Variants in HIBADH observed in about 807,000 individuals in gnomAD.
HIBADH encodes 3-hydroxyisobutyrate dehydrogenase, mitochondrial.
A neutral mutation model predicts 36.1 loss-of-function variants in HIBADH; 25 were observed. The observed-to-expected ratio is 0.69, with a 90% CI of 0.50 to 0.97. The LOEUF (loss-of-function observed/expected upper bound fraction) is 0.97, where lower values mean the gene tolerates loss of function less well. HIBADH is among the 50% of genes least tolerant of loss of function. The pLI is 0.00. For synonymous variants in HIBADH, 160 were observed against 149.5 expected (o/e 1.07, Z -0.51); for missense variants, 421 against 418.0 (o/e 1.01, Z -0.06).
chr7:27,581,378 G>C (rs1384177760), intron 4 of HIBADH, among the ~76,000 whole-genome samples: 1 of 152,132 alleles, frequency 6.6e-6, no homozygotes, highest in African/African-American at 2.4e-5. Context: ...AGGAAGCTAG[G>C]ACATGAAGAG....
intron 4 of HIBADH, among the ~76,000 whole-genome samples, chr7:27,578,708 A>AT (rs890873055): frequency 1.6e-4 from 24 of 151,740 alleles, no homozygotes; most frequent in African/African-American, 3.1e-4. Context: ...ATAAAACCAC[A>AT]TTTTTTTTTG....
chr7:27,649,359 C>T, intron 2 of HIBADH, 114 bp downstream of exon 2: 2 of 725,900 alleles, frequency 2.8e-6, no homozygotes, highest in South Asian at 2.9e-5. Context: ...AAAATTAACA[C>T]TGAATTAGGT....
At chr7:27,565,408 T>C (rs1431671438) in intron 4 of HIBADH, among the ~76,000 whole-genome samples, 2 of 152,196 alleles carry the variant, frequency 1.3e-5, no homozygotes, top group African/African-American at 2.4e-5. Context: ...ATGGTAGTGG[T>C]GTCCTGATCT....
intron 4 of HIBADH, among the ~76,000 whole-genome samples, chr7:27,580,820 T>C (rs139629769): frequency 7.2e-5 from 11 of 152,246 alleles, no homozygotes; most frequent in African/African-American, 2.2e-4. Context: ...CTCCTAGAAA[T>C]TGATTTAATG....
At chr7:27,651,005 A>C (rs2391454) in intron 1 of HIBADH, among the ~76,000 whole-genome samples, 9 of 152,034 alleles carry the variant, frequency 5.9e-5, no homozygotes, top group African/African-American at 2.2e-4. Context: ...AGTGAGGGAA[A>C]AGAGAGAAGT....
intron 6 of HIBADH, among the ~76,000 whole-genome samples, chr7:27,535,832 G>C (rs919442742): frequency 3.3e-5 from 5 of 151,506 alleles, no homozygotes; most frequent in African/African-American, 1.2e-4. Context: ...GGGTCAATAA[G>C]AATTTTAAAC....
At chr7:27,602,881 C>T (rs982378906) in intron 4 of HIBADH, among the ~76,000 whole-genome samples, 4 of 152,074 alleles carry the variant, frequency 2.6e-5, no homozygotes, top group Admixed American at 2.6e-4. Flanking sequence ...ACTCTGCTTG[C>T]CAGTTCCCTT....
intron 4 of HIBADH, among the ~76,000 whole-genome samples, chr7:27,568,626 T>A (rs1784582209): frequency 6.6e-6 from 1 of 151,826 alleles, no homozygotes; most frequent in South Asian, 2.1e-4. Context: ...CCCAGCTAAT[T>A]TTTTTTTAAA....
At chr7:27,555,029 G>A (rs1013221113) in intron 4 of HIBADH, among the ~76,000 whole-genome samples, 10 of 152,170 alleles carry the variant, frequency 6.6e-5, no homozygotes, top group African/African-American at 2.2e-4. Context: ...CCAGATTTGC[G>A]TGAGGACAAA....
chr7:27,547,053 C>G (rs1304342842), intron 4 of HIBADH, among the ~76,000 whole-genome samples: 1 of 152,194 alleles, frequency 6.6e-6, no homozygotes, highest in African/African-American at 2.4e-5. Flanking sequence ...CTAGCCCTCT[C>G]AGTATAAAAT....
chr7:27,649,035 A>G (rs1786127883), intron 2 of HIBADH, among the ~76,000 whole-genome samples: 2 of 152,224 alleles, frequency 1.3e-5, no homozygotes, highest in South Asian at 4.1e-4. Context: ...AAGTGATGTA[A>G]CTTGCCCCCA....
intron 4 of HIBADH, among the ~76,000 whole-genome samples, chr7:27,598,259 T>C (rs541492480): frequency 1.3e-5 from 2 of 152,378 alleles, no homozygotes; most frequent in African/African-American, 4.8e-5. Context: ...TTGAACATTT[T>C]ATTTCTGGAA....
At chr7:27,558,337 T>C (rs1784422202) in intron 4 of HIBADH, among the ~76,000 whole-genome samples, 1 of 152,182 alleles carries the variant, frequency 6.6e-6, no homozygotes, top group African/African-American at 2.4e-5. Flanking sequence ...TTATTTTCCA[T>C]TTTTTGGGGG....
rs539270096 is a variant in HIBADH, at chr7:27,655,181, A to G, written c.92-5548T>C. On this transcript the variant is annotated intron_variant, in intron 1 of 7. Transcript: ENST00000265395. ...AGTACTAAAGTGATAGATCAAATGT[A>G]AAGTGTGAAGTCTGAATGGATCCTG... Among the ~76,000 whole-genome samples the G allele has an allele frequency of 2.0e-5, 3 of 152,340 alleles. No homozygotes were observed. In the South Asian group the frequency reaches 6.2e-4, roughly 32 times the overall value.
chr7:27,622,653 T>C (rs1220969768), intron 4 of HIBADH, among the ~76,000 whole-genome samples: 1 of 152,112 alleles, frequency 6.6e-6, no homozygotes, highest in Non-Finnish European at 1.5e-5. Context: ...TGAACTACTA[T>C]ACGCTTAAAA....
intron 4 of HIBADH, among the ~76,000 whole-genome samples, chr7:27,550,625 T>C (rs562931468): frequency 2.0e-5 from 3 of 152,338 alleles, no homozygotes; most frequent in Admixed American, 1.3e-4. Context: ...ACTCAACTCA[T>C]GACAACTCAG....
intron 1 of HIBADH, 123 bp from the exon 2 acceptor site, chr7:27,649,756 G>A: frequency 2.5e-6 from 2 of 796,506 alleles, no homozygotes; most frequent in Non-Finnish European, 3.8e-6. Context: ...TCAGGAACCA[G>A]GTGCAGTGGT....
intron 4 of HIBADH, among the ~76,000 whole-genome samples, chr7:27,621,718 G>A (rs945100915): frequency 6.6e-6 from 1 of 152,194 alleles, no homozygotes; most frequent in Non-Finnish European, 1.5e-5. Flanking sequence ...CTTGAACCTG[G>A]GATGTGGAGG....
chr7:27,553,309 C>G (rs1193093214), intron 4 of HIBADH, among the ~76,000 whole-genome samples: 1 of 152,116 alleles, frequency 6.6e-6, no homozygotes, highest in Non-Finnish European at 1.5e-5. Flanking sequence ...AGAAGAGAAG[C>G]GGTCGATAGA....
Sources: allele counts gnomAD v4.1 joint callset (sites outside exome capture counted in the v4.1 genomes callset), GRCh38; gene constraint gnomAD v4.1.1; transcripts MANE v1.5; gene names NCBI Gene and HGNC (gene_info 2026-07-23, HGNC 2026-07-21).